The following JARID2 variants were observed in gnomAD, a reference collection of about 807,000 sequenced individuals.
JARID2 encodes the protein jumonji and AT-rich interaction domain containing 2, also known as protein Jumonji.
A neutral mutation model predicts 125.6 loss-of-function variants in JARID2; 21 were observed. That is an observed-to-expected ratio of 0.17 (90% CI 0.12 to 0.24). JARID2 has a LOEUF of 0.24. JARID2 is among the 10% of genes least tolerant of loss of function. The pLI is 1.00. For synonymous variants in JARID2, 736 were observed against 661.6 expected (o/e 1.11, Z -1.73); for missense variants, 1,303 against 1,639.6 (o/e 0.79, Z 3.55).
chr6:15,350,970 A>G (rs578125720), intron 1 of JARID2, among the ~76,000 whole-genome samples: 104 of 152,142 alleles, frequency 6.8e-4, no homozygotes, highest in African/African-American at 2.3e-3. Context: ...AGAAACTGCC[A>G]CATCCTTGTA....
At chr6:15,419,701 C>G (rs931125084) in intron 3 of JARID2, among the ~76,000 whole-genome samples, 21 of 152,238 alleles carry the variant, frequency 1.4e-4, no homozygotes, top group Non-Finnish European at 2.5e-4. Context: ...ACTTCAGTGA[C>G]ACTGCCCCAC....
At chr6:15,483,687 G>A (rs572182549) in intron 5 of JARID2, among the ~76,000 whole-genome samples, 43 of 151,932 alleles carry the variant, frequency 2.8e-4, no homozygotes, top group Non-Finnish European at 4.4e-4. Context: ...AATTTTTAAC[G>A]ATTAGTAATA....
intron 3 of JARID2, among the ~76,000 whole-genome samples, chr6:15,433,486 G>A (rs1170877373): frequency 6.6e-6 from 1 of 150,948 alleles, no homozygotes; most frequent in Non-Finnish European, 1.5e-5. Flanking sequence ...TAGGTGGCGT[G>A]CATCCTACCT....
intron 1 of JARID2, among the ~76,000 whole-genome samples, chr6:15,272,398 G>T (rs1263192991): frequency 6.6e-6 from 1 of 152,150 alleles, no homozygotes; most frequent in Non-Finnish European, 1.5e-5. Flanking sequence ...TTACTGTTTT[G>T]CTGGTTTCTA....
intron 1 of JARID2, among the ~76,000 whole-genome samples, chr6:15,249,711 A>T (rs1759364892): frequency 6.6e-6 from 1 of 152,142 alleles, no homozygotes; most frequent in South Asian, 2.1e-4. Flanking sequence ...CATTTAGTTT[A>T]TTACCTTAGC....
At chr6:15,492,929 A>G (rs1770226701) in intron 6 of JARID2, among the ~76,000 whole-genome samples, 1 of 152,164 alleles carries the variant, frequency 6.6e-6, no homozygotes, top group African/African-American at 2.4e-5. Flanking sequence ...AAAATATTGC[A>G]ACTCATTTCT....
chr6:15,257,347 A>T (rs1759703706), intron 1 of JARID2, among the ~76,000 whole-genome samples: 1 of 152,132 alleles, frequency 6.6e-6, no homozygotes, highest in Admixed American at 6.5e-5. Context: ...TTGAAATCAC[A>T]TACTGGACAT....
chr6:15,256,866 A>G (rs1759685301), intron 1 of JARID2, among the ~76,000 whole-genome samples: 1 of 152,260 alleles, frequency 6.6e-6, no homozygotes, highest in Non-Finnish European at 1.5e-5. Context: ...AATGTCTAAT[A>G]CATAGTATAC....
At chr6:15,446,807 A>C (rs1045735529) in intron 3 of JARID2, among the ~76,000 whole-genome samples, 1 of 152,198 alleles carries the variant, frequency 6.6e-6, no homozygotes. Flanking sequence ...GAGGGAGTGC[A>C]CACCAGAAGG....
intron 4 of JARID2, among the ~76,000 whole-genome samples, chr6:15,454,370 T>G (rs1245644356): frequency 6.6e-6 from 1 of 152,230 alleles, no homozygotes; most frequent in Non-Finnish European, 1.5e-5. Context: ...TTAATGTATT[T>G]GTTAGAAATT....
chr6:15,392,039 G>GGGGTGT (rs71535036), intron 2 of JARID2, among the ~76,000 whole-genome samples: 1 of 122,724 alleles, frequency 8.1e-6, no homozygotes, highest in Non-Finnish European at 1.7e-5. Flanking sequence ...ATCCCAGAGT[G>GGGGTGT]GTGTGTGTGT....
At chr6:15,334,151 T>A (rs543534944) in intron 1 of JARID2, among the ~76,000 whole-genome samples, 51 of 152,282 alleles carry the variant, frequency 3.3e-4, no homozygotes, top group African/African-American at 1.2e-3. Flanking sequence ...ACAGCAGCCT[T>A]CTCTAATTAA....
intron 4 of JARID2, among the ~76,000 whole-genome samples, chr6:15,465,814 G>GT (rs1177497133): frequency 2.1e-5 from 3 of 144,846 alleles, no homozygotes; most frequent in African/African-American, 5.0e-5. Context: ...TTGTTTGTTT[G>GT]TTTTTTTGAG....
In JARID2 at chr6:15,501,331, C is replaced by T. The variant is rs1334524016; in HGVS notation, c.2370C>T (p.Phe790=). The T allele has an allele frequency of 5.0e-6, 8 of 1,605,396 alleles. No individual in the cohort carries two copies. The highest frequency in any genetic ancestry group is 1.7e-4 in the Middle Eastern group (1 of 6,006). Residue 790 remains phenylalanine, a synonymous_variant, in exon 8 of 18, where the codon TTC becomes TTT. Transcript: ENST00000341776. Reference sequence around the variant, plus strand: ...TGAAGACTGGCCGGCGGCGACTCTTCGCTCAGGAAAAAGAAGTGGTCAAGG... The same window carrying T: ...TGAAGACTGGCCGGCGGCGACTCTTTGCTCAGGAAAAAGAAGTGGTCAAGG... The part of the protein sequence containing the change: ...AQLKTGRRRL[F]AQEKEVVKEE...
intron 2 of JARID2, among the ~76,000 whole-genome samples, chr6:15,401,845 AG>A (rs768206625): frequency 3.3e-5 from 5 of 151,642 alleles, no homozygotes; most frequent in Non-Finnish European, 7.4e-5. Flanking sequence ...AGTAGTGGAA[AG>A]AATGCTGCTC....
At chr6:15,288,738 T>C (rs1761094707) in intron 1 of JARID2, among the ~76,000 whole-genome samples, 1 of 152,242 alleles carries the variant, frequency 6.6e-6, no homozygotes, top group Admixed American at 6.5e-5. Context: ...GGGAGTTCCC[T>C]CCTAAGACCC....
At chr6:15,470,659 A>G (rs1295162240) in intron 5 of JARID2, among the ~76,000 whole-genome samples, 1 of 152,190 alleles carries the variant, frequency 6.6e-6, no homozygotes, top group East Asian at 1.9e-4. Flanking sequence ...GGGTAAATAC[A>G]AAATGTAACT....
intron 1 of JARID2, among the ~76,000 whole-genome samples, chr6:15,251,322 A>C (rs1376487829): frequency 6.6e-6 from 1 of 152,214 alleles, no homozygotes; most frequent in African/African-American, 2.4e-5. Flanking sequence ...AGCCAGCTGA[A>C]CATTTTTAAG....
chr6:15,479,693 G>A (rs1158312132), intron 5 of JARID2, among the ~76,000 whole-genome samples: 2 of 152,166 alleles, frequency 1.3e-5, no homozygotes, highest in Non-Finnish European at 2.9e-5. Flanking sequence ...CTGGAGTTTC[G>A]GAGTACAGAG....
Sources: allele counts gnomAD v4.1 joint callset (sites outside exome capture counted in the v4.1 genomes callset), GRCh38; gene constraint gnomAD v4.1.1; transcripts MANE v1.5; gene names NCBI Gene and HGNC (gene_info 2026-07-23, HGNC 2026-07-21).